Variants in ERICH3 observed in about 807,000 individuals in gnomAD.
ERICH3 encodes the protein glutamate rich 3.
Under a neutral mutation model 131.1 loss-of-function variants are expected in ERICH3, and 126 were observed. The observed-to-expected ratio is 0.96, with a 90% CI of 0.83 to 1.11. The LOEUF is 1.11. Ranked by LOEUF, ERICH3 falls within the 50% of genes most tolerant of loss-of-function variation. The pLI, the probability that ERICH3 is intolerant of heterozygous loss-of-function variation, is 0.00. For synonymous variants in ERICH3, 695 were observed against 644.6 expected (o/e 1.08, Z -1.18); for missense variants, 2,050 against 1,810.7 (o/e 1.13, Z -2.40).
At chr1:74,664,658 T>C (rs1228167854) in intron 1 of ERICH3, among the ~76,000 whole-genome samples, 3 of 152,202 alleles carry the variant, frequency 2.0e-5, no homozygotes, top group African/African-American at 7.2e-5. Context: ...GTTTCTTTCC[T>C]TGCTTCAATA....
At chr1:74,641,559 T>C in intron 4 of ERICH3, 100 bp from the exon 5 acceptor site, 1 of 1,316,942 alleles carries the variant, frequency 7.6e-7, no homozygotes. Context: ...AAGAAATTCT[T>C]TCTCATTTCT....
At chr1:74,586,325 G>A (rs1647328430) in intron 12 of ERICH3, 3 of 829,758 alleles carry the variant, frequency 3.6e-6, no homozygotes, top group African/African-American at 1.9e-5. Flanking sequence ...AATAACATAT[G>A]TATATGTATC....
intron 1 of ERICH3, among the ~76,000 whole-genome samples, chr1:74,666,388 G>A (rs1434249434): frequency 1.3e-5 from 2 of 152,122 alleles, no homozygotes; most frequent in Non-Finnish European, 2.9e-5. Flanking sequence ...GGCTCACTGT[G>A]AAAGCAATGA....
intron 11 of ERICH3, among the ~76,000 whole-genome samples, chr1:74,594,805 A>G (rs1647772227): frequency 6.6e-6 from 1 of 152,022 alleles, no homozygotes; most frequent in African/African-American, 2.4e-5. Context: ...TCATTTTCTC[A>G]CCTGCTAGCA....
At chr1:74,595,202 CTG>C (rs1302814881) in intron 11 of ERICH3, among the ~76,000 whole-genome samples, 1 of 152,044 alleles carries the variant, frequency 6.6e-6, no homozygotes, top group African/African-American at 2.4e-5. Context: ...TCAAGAAAAA[CTG>C]TTTATATTAT....
intron 4 of ERICH3, among the ~76,000 whole-genome samples, chr1:74,642,551 A>G (rs1050627783): frequency 6.6e-6 from 1 of 151,908 alleles, no homozygotes; most frequent in Non-Finnish European, 1.5e-5. Context: ...TTTAAAATGC[A>G]TTTTACAAAA....
chr1:74,660,623 T>C (rs1646632632), intron 1 of ERICH3, among the ~76,000 whole-genome samples: 1 of 148,834 alleles, frequency 6.7e-6, no homozygotes, highest in Non-Finnish European at 1.5e-5. Context: ...ATAGTGTGTA[T>C]ATATATACAC....
intron 1 of ERICH3, among the ~76,000 whole-genome samples, chr1:74,667,566 A>C (rs1002601835): frequency 6.6e-6 from 1 of 152,236 alleles, no homozygotes; most frequent in African/African-American, 2.4e-5. Flanking sequence ...AGAAATTAAA[A>C]ATCTCAAAAA....
chr1:74,671,717 C>A (rs752077292), intron 1 of ERICH3, among the ~76,000 whole-genome samples: 1 of 152,152 alleles, frequency 6.6e-6, no homozygotes, highest in Non-Finnish European at 1.5e-5. Flanking sequence ...CCTGGCACAT[C>A]GTATGCACAT....
In ERICH3 at chr1:74,618,015, C is replaced by A. The variant is rs146072403; in HGVS notation, c.1000+2719G>T. 7.4e-3 allele frequency among the ~76,000 whole-genome samples: 1,121 copies of A among 152,100 alleles called. 5 individuals are homozygous for A. The highest frequency in any genetic ancestry group is 0.017 in the Middle Eastern group (5 of 292). On this transcript the variant is annotated intron_variant, in intron 8 of 14. Coordinates refer to ENST00000326665, the MANE Select transcript of ERICH3 (RefSeq NM_001002912.5). The stretch of plus-strand genomic sequence containing the variant: ...TTTGAGACCAGACTGGGCAACATAG[C>A]AAGACCCTATCTCTATAAAAAATAT...
At chr1:74,616,051 G>T (rs1213490477) in intron 8 of ERICH3, among the ~76,000 whole-genome samples, 2 of 152,054 alleles carry the variant, frequency 1.3e-5, no homozygotes, top group African/African-American at 4.8e-5. Context: ...GCCCAGGCTG[G>T]AGTACAGTGA....
At chr1:74,581,390 T>G (rs1305827388) in intron 12 of ERICH3, among the ~76,000 whole-genome samples, 1 of 152,138 alleles carries the variant, frequency 6.6e-6, no homozygotes, top group Non-Finnish European at 1.5e-5. Flanking sequence ...GTTGTTATAG[T>G]GTGAGTGGGG....
Position 74,572,645 on chromosome 1 carries a change from G to T in ERICH3, c.3065C>A (p.Ala1022Asp). Residue 1022 changes from alanine (A) to aspartate (D), a missense_variant, in exon 14 of 15, where the codon GCC becomes GAC. Transcript: ENST00000326665. ...TTCCACATCTTCCTTGCAAAGGAAG[G>T]CTTCCTTTGCAAGGCTTCCTTCCTC... ...SPEEGSLAKE[A>D]FLCKEDVEGE... is the part of the protein sequence containing the mutation. The T allele has an allele frequency of 1.9e-6, 3 of 1,613,758 alleles. No homozygotes were observed. The highest frequency in any genetic ancestry group is 1.7e-5 in the Admixed American group (1 of 60,002).
rs1386741965 is a variant in ERICH3, at chr1:74,665,300, G to A, written c.23+8197C>T. The stretch of plus-strand genomic sequence containing the variant: ...CTTGGGCTCCCCAACCTCCAGAGCC[G>A]TGAGAAATAAAATTCTGTTGTTTCT... On this transcript the variant is annotated intron_variant, in intron 1 of 14. Coordinates refer to ENST00000326665, the MANE Select transcript of ERICH3 (RefSeq NM_001002912.5). Among the ~76,000 whole-genome samples, 12 of 151,874 alleles carry A rather than the reference G, an allele frequency of 7.9e-5. No individual in the cohort carries two copies. The South Asian group carries it at 8.3e-4, about 11-fold the overall frequency.
intron 2 of ERICH3, among the ~76,000 whole-genome samples, chr1:74,648,645 C>G (rs2100641691): frequency 6.6e-6 from 1 of 152,126 alleles, no homozygotes; most frequent in East Asian, 1.9e-4. Flanking sequence ...ATAACCACAT[C>G]TCTTTCTTTC....
At chr1:74,613,621 TTC>T (rs780574922) in intron 8 of ERICH3, among the ~76,000 whole-genome samples, 3 of 152,212 alleles carry the variant, frequency 2.0e-5, no homozygotes, top group Non-Finnish European at 4.4e-5. Flanking sequence ...CTATACTCAA[TTC>T]TGTTTGGATT....
rs559382014 is a variant in ERICH3, at chr1:74,636,639, A to G, written c.445-201T>C. 1.4e-4 allele frequency among the ~76,000 whole-genome samples: 22 copies of G among 152,316 alleles called. 1 individual carries two copies. In the South Asian group the frequency reaches 4.6e-3, roughly 32 times the overall value. On this transcript the variant is annotated intron_variant, in intron 5 of 14. Transcript: ENST00000326665. ...AACATATGGTGTTGAAGTCCTCTAC[A>G]TAACTAAATGCCACAATTATAGAGT...
chr1:74,657,107 C>G (rs1380823409), intron 1 of ERICH3, among the ~76,000 whole-genome samples: 1 of 152,168 alleles, frequency 6.6e-6, no homozygotes, highest in Non-Finnish European at 1.5e-5. Context: ...TTCTTTTCTG[C>G]TTCTGGACAA....
At chr1:74,626,366 A>G (rs1266467578) in intron 7 of ERICH3, among the ~76,000 whole-genome samples, 1 of 152,186 alleles carries the variant, frequency 6.6e-6, no homozygotes. Context: ...GGACCTATCA[A>G]TTGGGCATCT....
Sources: gnomAD v4.1 joint callset for allele counts (sites outside exome capture counted in the v4.1 genomes callset) on GRCh38, gnomAD v4.1.1 for gene constraint, MANE v1.5 for transcripts, NCBI Gene and HGNC (gene_info 2026-07-23, HGNC 2026-07-21) for gene names.